UNC5D: variants seen among roughly 807,000 people sequenced by gnomAD.
The protein encoded by UNC5D is unc-5 netrin receptor D.
Under a neutral mutation model 105.4 loss-of-function variants are expected in UNC5D, and 39 were observed. The observed-to-expected ratio is 0.37, with a 90% CI of 0.29 to 0.48. The LOEUF is 0.48. Among genes scored for constraint, UNC5D ranks in the 20% least tolerant of loss-of-function variants. The pLI, the probability that UNC5D is intolerant of heterozygous loss-of-function variation, is 0.98. For synonymous variants in UNC5D, 452 were observed against 450.4 expected, an observed-to-expected ratio of 1.00 and a Z score of -0.04; for missense variants, 991 against 1,202.4, an observed-to-expected ratio of 0.82 and a Z score of 2.60.
At chr8:35,671,636 C>T (rs1281464253) in intron 4 of UNC5D, among the ~76,000 whole-genome samples, 1 of 152,088 alleles carries the variant, frequency 6.6e-6, no homozygotes, top group Non-Finnish European at 1.5e-5. Context: ...CCATACAAGA[C>T]TTTAGAGTTT....
At chr8:35,759,242 T>C (rs1195469845) in intron 13 of UNC5D, 78 bp from the exon 14 acceptor site, 1 of 1,518,006 alleles carries the variant, frequency 6.6e-7, no homozygotes, top group Non-Finnish European at 9.0e-7. Flanking sequence ...GTAGTGAGCA[T>C]GTGTATCCCT....
In UNC5D at chr8:35,793,949, T is replaced by A. The variant is rs1019804246; in HGVS notation, c.*3386T>A. ...TCTTTCAGTTGTCTTTGGGAGGGGA[T>A]GTTAAGTCAAATCACTAAAACAGGG... On this transcript the variant is annotated 3_prime_UTR_variant, in exon 17 of 17. Coordinates refer to ENST00000404895, the MANE Select transcript of UNC5D (RefSeq NM_080872.4). 6.6e-6 allele frequency: 1 copy of A among 152,164 alleles called. No homozygotes were observed. The allele number at this position is 152,164 out of a possible 1,614,324, so 9.4% of individuals were successfully genotyped here.
chr8:35,244,791 G>A (rs570723578), intron 1 of UNC5D, among the ~76,000 whole-genome samples: 38 of 152,150 alleles, frequency 2.5e-4, no homozygotes, highest in Middle Eastern at 3.4e-3. Context: ...TGGGAGGATG[G>A]CTTGAGGCCT....
intron 1 of UNC5D, among the ~76,000 whole-genome samples, chr8:35,481,653 A>C (rs544701425): frequency 6.6e-6 from 1 of 152,350 alleles, no homozygotes; most frequent in East Asian, 1.9e-4. Flanking sequence ...AAAAGGTGTA[A>C]AATTGAAAAA....
chr8:35,760,105 G>A (rs1162253509), intron 14 of UNC5D, among the ~76,000 whole-genome samples: 5 of 150,386 alleles, frequency 3.3e-5, no homozygotes, highest in Non-Finnish European at 5.9e-5. Flanking sequence ...GTGCAGTGGC[G>A]CAATCTTGGC....
chr8:35,774,422 C>G lies in UNC5D; in HGVS notation c.2602C>G (p.Pro868Ala). 2 of 1,614,046 alleles carry G rather than the reference C, an allele frequency of 1.2e-6. No individual in the cohort carries two copies. Among genetic ancestry groups the G allele is most frequent in the South Asian group, 2.2e-5 (2 of 91,078 alleles). Residue 868 changes from proline (P) to alanine (A), a missense_variant, in exon 16 of 17, where the codon CCC becomes GCC. Physicochemically the swap from Pro to Ala is conservative, Grantham distance 27. Coordinates refer to ENST00000404895, the MANE Select transcript of UNC5D (RefSeq NM_080872.4). ...RQRICATFDTPNAKGKDWQML... is the reference protein window; with the variant it reads ...RQRICATFDTANAKGKDWQML... ...GCGGATTTGTGCTACATTTGATACCCCCAATGCCAAAGGCAAGGACTGGCA... is the reference window on the plus strand; with the variant it reads ...GCGGATTTGTGCTACATTTGATACCGCCAATGCCAAAGGCAAGGACTGGCA...
At chr8:35,600,173 G>C (rs931993891) in intron 4 of UNC5D, among the ~76,000 whole-genome samples, 5 of 152,288 alleles carry the variant, frequency 3.3e-5, no homozygotes, top group African/African-American at 1.2e-4. Flanking sequence ...TGGTGTATAT[G>C]AGCCACATTT....
chr8:35,398,162 A>G (rs1804218499), intron 1 of UNC5D, among the ~76,000 whole-genome samples: 4 of 152,208 alleles, frequency 2.6e-5, no homozygotes. Context: ...AAACCAGGAC[A>G]CTATTTAGAG....
At chr8:35,743,604 T>A (rs866320473) in intron 11 of UNC5D, among the ~76,000 whole-genome samples, 173 of 138,000 alleles carry the variant, frequency 1.3e-3, no homozygotes, top group African/African-American at 5.5e-3. Flanking sequence ...AAAAAAAAAT[T>A]TTTTTTAAAT....
chr8:35,646,986 T>C (rs758869476), intron 4 of UNC5D, among the ~76,000 whole-genome samples: 14 of 152,138 alleles, frequency 9.2e-5, no homozygotes, highest in Admixed American at 1.3e-4. Flanking sequence ...TGTTAACCAA[T>C]AATTGTATTT....
chr8:35,452,320 A>G (rs950338519), intron 1 of UNC5D, among the ~76,000 whole-genome samples: 1 of 152,058 alleles, frequency 6.6e-6, no homozygotes, highest in African/African-American at 2.4e-5. Context: ...GCTGGAGTGC[A>G]GTGGCACAAT....
At chr8:35,329,613 C>A (rs948320139) in intron 1 of UNC5D, among the ~76,000 whole-genome samples, 1 of 151,938 alleles carries the variant, frequency 6.6e-6, no homozygotes, top group Middle Eastern at 3.2e-3. Context: ...GACTCCTTTC[C>A]ATGTATTAGG....
intron 1 of UNC5D, among the ~76,000 whole-genome samples, chr8:35,242,656 T>C (rs901209708): frequency 5.1e-4 from 77 of 152,046 alleles, no homozygotes; most frequent in African/African-American, 1.9e-3. Flanking sequence ...GTTTGTATTT[T>C]TACAGACAGG....
chr8:35,766,560 G>GT (rs1801777041), intron 14 of UNC5D, among the ~76,000 whole-genome samples: 1 of 152,242 alleles, frequency 6.6e-6, no homozygotes, highest in East Asian at 1.9e-4. Context: ...TCTTCCAAAG[G>GT]AAAATATTTT....
Position 35,586,294 on chromosome 8 carries a change from A to G in UNC5D, c.467-9260A>G, listed in dbSNP as rs1357707640. 2.6e-5 allele frequency among the ~76,000 whole-genome samples: 4 copies of G among 152,178 alleles called. No homozygotes were observed. In the South Asian group the frequency reaches 6.2e-4, roughly 24 times the overall value. ...AGAAAAGAAAAGAAATGTGCATAAT[A>G]CATAGATCTAAGCAAGGTAGAGGGT... On this transcript the variant is annotated intron_variant, in intron 3 of 16. Transcript: ENST00000404895.
At chr8:35,722,452 C>A (rs960655074) in intron 9 of UNC5D, 57 bp downstream of exon 9, 13 of 1,556,548 alleles carry the variant, frequency 8.4e-6, no homozygotes, top group Non-Finnish European at 1.0e-5. Context: ...TACGCTCACA[C>A]TAGACCCCAG....
intron 1 of UNC5D, among the ~76,000 whole-genome samples, chr8:35,273,767 T>C (rs1016335384): frequency 2.6e-5 from 4 of 152,336 alleles, no homozygotes; most frequent in Non-Finnish European, 5.9e-5. Context: ...TTGGCTTGCA[T>C]AAAATCGGTT....
intron 11 of UNC5D, among the ~76,000 whole-genome samples, chr8:35,733,793 G>T (rs571299487): frequency 3.3e-5 from 5 of 152,280 alleles, no homozygotes; most frequent in African/African-American, 1.2e-4. Flanking sequence ...TCTAAGGATT[G>T]GGTTAAAGAG....
In UNC5D at chr8:35,540,366, T is replaced by C. The variant is rs182844419; in HGVS notation, c.104-8926T>C. 2.9e-3 allele frequency among the ~76,000 whole-genome samples: 442 copies of C among 152,074 alleles called. 3 individuals are homozygous for C. The highest frequency in any genetic ancestry group is 3.5e-3 in the Non-Finnish European group (239 of 68,002). On this transcript the variant is annotated intron_variant, in intron 1 of 16. Transcript: ENST00000404895. ...CCCTGATACGTGGATTTTAATACAA[T>C]AAAGTTAGAGACCATGAAGTGAAAG...
Sources: gnomAD v4.1 joint callset for allele counts (sites outside exome capture counted in the v4.1 genomes callset) on GRCh38, gnomAD v4.1.1 for gene constraint, MANE v1.5 for transcripts, NCBI Gene and HGNC (gene_info 2026-07-23, HGNC 2026-07-21) for gene names.